RSPO4: variants seen among roughly 807,000 people sequenced by gnomAD.
RSPO4 encodes the protein R-spondin-4.
Under a neutral mutation model 24.8 loss-of-function variants are expected in RSPO4, and 23 were observed. The ratio of observed to expected loss-of-function variants is 0.93; its 90% CI spans 0.67 to 1.31. RSPO4 has a LOEUF of 1.31. Ranked by LOEUF, RSPO4 falls within the 40% of genes most tolerant of loss-of-function variation. The pLI is 0.00. For synonymous variants in RSPO4, 141 were observed against 127.4 expected (o/e 1.11, Z -0.72); for missense variants, 333 against 316.5 (o/e 1.05, Z -0.39).
chr20:999,144 C>G (rs894073934), intron 1 of RSPO4, among the ~76,000 whole-genome samples: 1 of 152,092 alleles, frequency 6.6e-6, no homozygotes, highest in African/African-American at 2.4e-5. Flanking sequence ...TGTGCACCAC[C>G]ACCAACATGC....
intron 1 of RSPO4, among the ~76,000 whole-genome samples, chr20:982,138 A>G (rs1184348287): frequency 6.6e-6 from 1 of 152,198 alleles, no homozygotes; most frequent in African/African-American, 2.4e-5. Flanking sequence ...TAGAGCAGCC[A>G]GATGAGTTCG....
intron 3 of RSPO4, among the ~76,000 whole-genome samples, chr20:964,790 A>G (rs1262385842): frequency 8.2e-6 from 1 of 121,362 alleles, no homozygotes; most frequent in Non-Finnish European, 1.6e-5. Context: ...ATATATATAC[A>G]CATATATACA....
At chr20:966,612 C>T (rs911686137) in intron 3 of RSPO4, among the ~76,000 whole-genome samples, 2 of 152,120 alleles carry the variant, frequency 1.3e-5, no homozygotes, top group African/African-American at 2.4e-5. Context: ...CCTATACTCC[C>T]AATGCTTTGG....
At chr20:974,077 A>T (rs1435381762) in intron 1 of RSPO4, among the ~76,000 whole-genome samples, 1 of 152,222 alleles carries the variant, frequency 6.6e-6, no homozygotes, top group Non-Finnish European at 1.5e-5. Context: ...ATCATCAGTG[A>T]TGACAAGAGT....
intron 1 of RSPO4, among the ~76,000 whole-genome samples, chr20:987,767 G>C (rs1471825086): frequency 2.0e-5 from 3 of 152,172 alleles, no homozygotes; most frequent in African/African-American, 7.2e-5. Flanking sequence ...CTCCAGTCTG[G>C]GTGACAGAGA....
intron 1 of RSPO4, among the ~76,000 whole-genome samples, chr20:975,956 A>G (rs1335644407): frequency 6.6e-6 from 1 of 152,196 alleles, no homozygotes; most frequent in Non-Finnish European, 1.5e-5. Flanking sequence ...AGCTACCATT[A>G]TTATATTGAG....
chr20:969,458 C>T (rs571358168), intron 1 of RSPO4, among the ~76,000 whole-genome samples: 4 of 152,248 alleles, frequency 2.6e-5, no homozygotes, highest in Non-Finnish European at 5.9e-5. Flanking sequence ...AAGGTGCCAG[C>T]ATCTCATGCC....
chr20:982,618 A>G (rs1984775702), intron 1 of RSPO4, among the ~76,000 whole-genome samples: 1 of 152,130 alleles, frequency 6.6e-6, no homozygotes, highest in Non-Finnish European at 1.5e-5. Context: ...GTAGACTCAG[A>G]CAGGTTCTGG....
At chr20:969,903 C>T (rs917384567) in intron 1 of RSPO4, among the ~76,000 whole-genome samples, 3 of 152,154 alleles carry the variant, frequency 2.0e-5, no homozygotes, top group Admixed American at 6.5e-5. Context: ...CGGTTATACA[C>T]CTTGATTCAC....
At chr20:973,165 TGG>T (rs149475587) in intron 1 of RSPO4, among the ~76,000 whole-genome samples, 17,055 of 152,234 alleles carry the variant, frequency 0.11, 1,514 homozygotes, top group Admixed American at 0.29. Flanking sequence ...CCTGGGGCCA[TGG>T]GGGTGAGCCA....
At chr20:999,898 T>C (rs529675786) in intron 1 of RSPO4, among the ~76,000 whole-genome samples, 7 of 152,210 alleles carry the variant, frequency 4.6e-5, no homozygotes, top group African/African-American at 1.4e-4. Flanking sequence ...AGACAGAGTC[T>C]CACTCTGACA....
intron 3 of RSPO4, 74 bp from the exon 4 acceptor site, chr20:964,194 G>A: frequency 1.5e-6 from 2 of 1,318,328 alleles, no homozygotes; most frequent in Non-Finnish European, 1.0e-6. Flanking sequence ...CAGATCCAAG[G>A]GCAGGGTTTG....
intron 1 of RSPO4, among the ~76,000 whole-genome samples, chr20:1,000,563 T>C (rs1437377325): frequency 2.6e-5 from 4 of 152,146 alleles, no homozygotes; most frequent in African/African-American, 9.7e-5. Context: ...TTTTTTGGTA[T>C]TGTTTAGAAT....
At chr20:995,439 G>C (rs914351555) in intron 1 of RSPO4, among the ~76,000 whole-genome samples, 3 of 152,180 alleles carry the variant, frequency 2.0e-5, no homozygotes, top group Non-Finnish European at 4.4e-5. Flanking sequence ...CAGGACTGGG[G>C]TGAGGACCAA....
chr20:998,660 G>C (rs558262586), intron 1 of RSPO4, among the ~76,000 whole-genome samples: 1 of 152,250 alleles, frequency 6.6e-6, no homozygotes, highest in Non-Finnish European at 1.5e-5. Flanking sequence ...ACTCAGGCAT[G>C]GGGGAGGCTG....
chr20:977,669 G>A (rs1488682588), intron 1 of RSPO4, among the ~76,000 whole-genome samples: 1 of 152,186 alleles, frequency 6.6e-6, no homozygotes, highest in African/African-American at 2.4e-5. Context: ...AGTGTGTCTT[G>A]CATGAGAACA....
At chr20:965,584 G>T (rs539543486) in intron 3 of RSPO4, among the ~76,000 whole-genome samples, 15 of 152,224 alleles carry the variant, frequency 9.9e-5, no homozygotes, top group African/African-American at 3.6e-4. Flanking sequence ...GAACCAAGGC[G>T]GGAGACGGGC....
intron 1 of RSPO4, among the ~76,000 whole-genome samples, chr20:979,914 G>A (rs1044035375): frequency 6.6e-6 from 1 of 152,086 alleles, no homozygotes; most frequent in African/African-American, 2.4e-5. Flanking sequence ...CCACCTGATA[G>A]GTTCTAAATT....
chr20:980,988 T>C (rs1346440624), intron 1 of RSPO4, among the ~76,000 whole-genome samples: 1 of 152,114 alleles, frequency 6.6e-6, no homozygotes, highest in East Asian at 1.9e-4. Context: ...ATGCTAAAGT[T>C]CTGGAATGGG....
Sources: allele counts gnomAD v4.1 joint callset (sites outside exome capture counted in the v4.1 genomes callset), GRCh38; gene constraint gnomAD v4.1.1; transcripts MANE v1.5; gene names NCBI Gene and HGNC (gene_info 2026-07-23, HGNC 2026-07-21).